Variants in NAV1 observed in about 807,000 individuals in gnomAD.
NAV1 encodes neuron navigator 1, also known as pore membrane and/or filament interacting like protein 3.
In NAV1, 18 loss-of-function variants were observed where a neutral mutation model predicts 175.2. The ratio of observed to expected loss-of-function variants is 0.10; its 90% CI spans 0.07 to 0.15. NAV1 has a LOEUF of 0.15. Among genes scored for constraint, NAV1 ranks in the 10% least tolerant of loss-of-function variants. The pLI is 1.00. For synonymous variants in NAV1, 897 were observed against 978.7 expected (o/e 0.92, Z 1.56); for missense variants, 1,731 against 2,436.6 (o/e 0.71, Z 6.10).
intron 1 of NAV1, among the ~76,000 whole-genome samples, chr1:201,710,451 T>A (rs1170328300): frequency 6.6e-6 from 1 of 152,094 alleles, no homozygotes; most frequent in Non-Finnish European, 1.5e-5. Context: ...CTGGCCAATT[T>A]TTTTATTTTT....
At chr1:201,650,344 G>A (rs532755059) in intron 1 of NAV1, among the ~76,000 whole-genome samples, 1 of 152,354 alleles carries the variant, frequency 6.6e-6, no homozygotes, top group Admixed American at 6.5e-5. Flanking sequence ...GGGATGTGCC[G>A]GACGCCAGGC....
At chr1:201,677,165 T>C (rs190097489) in intron 1 of NAV1, among the ~76,000 whole-genome samples, 225 of 148,500 alleles carry the variant, frequency 1.5e-3, no homozygotes, top group African/African-American at 5.3e-3. Flanking sequence ...GGCAGAAGAA[T>C]CGCTTGAACT....
rs141994519 is a variant in NAV1 at position 201,810,641 on chromosome 1, C to T, written c.4680C>T (p.Ser1560=). 70 of 1,614,122 alleles carry T rather than the reference C, an allele frequency of 4.3e-5. No homozygotes were observed. In the East Asian group the frequency reaches 1.0e-3, roughly 24 times the overall value. Residue 1560 remains serine (S), a synonymous_variant, in exon 24 of 30, where the codon AGC becomes AGT. Transcript: ENST00000367296. This position sits in a 1 kb window ranked among gnomAD's most constrained non-coding sequence, Gnocchi z 6.0. ...GGCGCCTCGTCCTCTCGGGCCCCAG[C>T]GGCACGGGCAAGACCTACCTGACCA...
At chr1:201,791,260 T>A (rs1677101090) in intron 13 of NAV1, 1 of 156,908 alleles carries the variant, frequency 6.4e-6, no homozygotes, top group African/African-American at 2.4e-5. Context: ...CTAACTCCCA[T>A]TCTGGTCTGA....
At chr1:201,599,787 T>C (rs1667467831) in intron 2 of NAV1, among the ~76,000 whole-genome samples, 1 of 152,162 alleles carries the variant, frequency 6.6e-6, no homozygotes, top group Admixed American at 6.5e-5. Flanking sequence ...GGCGTCTGTG[T>C]CATAAACAAG....
chr1:201,594,248 C>T (rs1233406934), intron 2 of NAV1, among the ~76,000 whole-genome samples: 1 of 152,116 alleles, frequency 6.6e-6, no homozygotes, highest in Non-Finnish European at 1.5e-5. Flanking sequence ...TAAGGGAGTG[C>T]ATCATGTGGG....
chr1:201,651,160 T>TGTGTGTGTGTGTGTGTGTGA (rs56373766), intron 1 of NAV1, among the ~76,000 whole-genome samples: 1 of 148,570 alleles, frequency 6.7e-6, no homozygotes, highest in African/African-American at 2.5e-5. Flanking sequence ...TGTGTGTGTG[T>TGTGTGTGTGTGTGTGTGTGA]CAGACTGAGA....
chr1:201,775,491 G>T (rs925963302), intron 3 of NAV1, among the ~76,000 whole-genome samples: 4 of 152,126 alleles, frequency 2.6e-5, no homozygotes, highest in African/African-American at 4.8e-5. Context: ...TGTGCACAAA[G>T]GTTCTCAATA....
Position 201,808,982 on chromosome 1 carries a change from C to A in NAV1, c.4207+111C>A. On this transcript the variant is annotated intron_variant, in intron 20 of 29. Transcript: ENST00000367296. The surrounding 1 kb of genome is among the most constrained non-coding windows in gnomAD (Gnocchi z 5.5). Reference sequence around the variant, plus strand: ...GGGCGGTAACAATGCCGAAGCCAAGCAGATGCCAGTGTCCTAAGACACTGA... The same window carrying A: ...GGGCGGTAACAATGCCGAAGCCAAGAAGATGCCAGTGTCCTAAGACACTGA... The A allele has an allele frequency of 7.2e-7, 1 of 1,387,196 alleles. No individual in the cohort carries two copies. The highest frequency in any genetic ancestry group is 9.9e-7 in the Non-Finnish European group (1 of 1,005,656). 85.9% of individuals were successfully genotyped at this position (1,387,196 alleles called of 1,614,324 possible).
exon 1 of NAV1, chr1:201,648,545 G>A: frequency 8.1e-7 from 1 of 1,240,438 alleles, no homozygotes; most frequent in Non-Finnish European, 1.0e-6. Flanking sequence ...CTTCTTCCTC[G>A]GTTTCTTCCG....
chr1:201,572,173 C>T (rs1555935), intron 1 of NAV1, among the ~76,000 whole-genome samples: 20,042 of 151,858 alleles, frequency 0.13, 1,359 homozygotes, highest in Admixed American at 0.15. Flanking sequence ...AACTGGGCAG[C>T]GGGGTTTTTG....
At chr1:201,549,075 TTCTCTTTC>T (rs1312673980) in intron 1 of NAV1, among the ~76,000 whole-genome samples, 1 of 144,072 alleles carries the variant, frequency 6.9e-6, no homozygotes, top group Non-Finnish European at 1.5e-5. Flanking sequence ...TATTCTAGTT[TTCTCTTTC>T]TTTCTTTCTT....
chr1:201,677,167 G>A (rs986672759), intron 1 of NAV1, among the ~76,000 whole-genome samples: 3 of 147,506 alleles, frequency 2.0e-5, no homozygotes, highest in African/African-American at 5.0e-5. Context: ...CAGAAGAATC[G>A]CTTGAACTTG....
chr1:201,820,038 G>A, exon 30 of NAV1: 1 of 1,081,598 alleles, frequency 9.2e-7, no homozygotes, highest in Non-Finnish European at 1.4e-6. Flanking sequence ...TCCAGCCCCA[G>A]GAGGAGAACA....
rs1277657964 is a variant in NAV1 at position 201,812,814 on chromosome 1, T to C, written c.5221+153T>C. ...CAGACTTAGAACCACTTAACGAGCCTTCCCAACACAGTTAGCACCACTTCA... is the reference window on the plus strand; with the variant it reads ...CAGACTTAGAACCACTTAACGAGCCCTCCCAACACAGTTAGCACCACTTCA... On this transcript the variant is annotated intron_variant, in intron 27 of 29. Transcript: ENST00000367296. This position sits in a 1 kb window ranked among gnomAD's most constrained non-coding sequence, Gnocchi z 4.6. The C allele has an allele frequency of 4.4e-6, 3 of 683,942 alleles. No homozygotes were observed. Among genetic ancestry groups the C allele is most frequent in the Non-Finnish European group, 7.4e-6 (3 of 405,586 alleles). The allele number at this position is 683,942 out of a possible 1,614,324, so 42.4% of individuals were successfully genotyped here. A position where few individuals can be genotyped will look rare whatever the true frequency, so the allele number is the denominator to read the frequency against.
intron 2 of NAV1, among the ~76,000 whole-genome samples, chr1:201,612,818 T>C (rs1331051087): frequency 6.6e-6 from 1 of 152,034 alleles, no homozygotes; most frequent in Non-Finnish European, 1.5e-5. Context: ...AGTGTGCTTG[T>C]GTGGGAGGGT....
chr1:201,598,590 A>G (rs922617621), intron 2 of NAV1, among the ~76,000 whole-genome samples: 2 of 152,228 alleles, frequency 1.3e-5, no homozygotes, highest in Admixed American at 1.3e-4. Flanking sequence ...GGACCACAGG[A>G]CCAACTGGAT....
At chr1:201,589,212 C>G (rs1474879216) in intron 2 of NAV1, among the ~76,000 whole-genome samples, 1 of 152,094 alleles carries the variant, frequency 6.6e-6, no homozygotes, top group African/African-American at 2.4e-5. Flanking sequence ...TCTATTCAGC[C>G]CCACACTTCT....
At chr1:201,748,476 CA>C (rs201554458) in intron 3 of NAV1, among the ~76,000 whole-genome samples, 2,183 of 152,302 alleles carry the variant, frequency 0.014, 29 homozygotes, top group Non-Finnish European at 0.025. Flanking sequence ...CAGCCTCCAC[CA>C]AGCTCTACCC....
Sources: allele counts gnomAD v4.1 joint callset (sites outside exome capture counted in the v4.1 genomes callset), GRCh38; gene constraint gnomAD v4.1.1; non-coding constraint Gnocchi (gnomAD v3.1); transcripts MANE v1.5; gene names NCBI Gene and HGNC (gene_info 2026-07-23, HGNC 2026-07-21).